PPP4R2: variants seen among roughly 807,000 people sequenced by gnomAD.
PPP4R2 encodes protein phosphatase 4 regulatory subunit 2.
Under a neutral mutation model 47.2 loss-of-function variants are expected in PPP4R2, and 13 were observed. The observed-to-expected ratio is 0.28, with a 90% CI of 0.18 to 0.44. The LOEUF is 0.44. PPP4R2 is among the 20% of genes least tolerant of loss of function. PPP4R2 has a pLI of 1.00. For missense variants in PPP4R2, 421 were observed against 491.2 expected (o/e 0.86, Z 1.35); for synonymous variants, 151 against 163.3 (o/e 0.92, Z 0.57).
intron 2 of PPP4R2, among the ~76,000 whole-genome samples, chr3:73,046,693 T>C (rs1269266742): frequency 6.6e-6 from 1 of 152,096 alleles, no homozygotes; most frequent in African/African-American, 2.4e-5. Flanking sequence ...CCTGAAGATA[T>C]TAACTGAAAG....
chr3:73,057,572 A>G (rs1702752702), intron 3 of PPP4R2, among the ~76,000 whole-genome samples: 1 of 152,160 alleles, frequency 6.6e-6, no homozygotes, highest in South Asian at 2.1e-4. Context: ...GGTTTGAGAC[A>G]AAAGATTGAT....
At chr3:73,051,877 G>A (rs1234935083) in intron 3 of PPP4R2, among the ~76,000 whole-genome samples, 3 of 152,074 alleles carry the variant, frequency 2.0e-5, no homozygotes, top group African/African-American at 4.8e-5. Flanking sequence ...CACCCACCTC[G>A]GCCTCCCAAA....
At chr3:73,062,089 ATTTTC>A (rs1352256769) in intron 5 of PPP4R2, 1 of 1,537,824 alleles carries the variant, frequency 6.5e-7, no homozygotes, top group African/African-American at 1.4e-5. Context: ...ATAATGGGTT[ATTTTC>A]TTAAATTGTA....
chr3:73,007,731 G>T (rs1456746864), intron 2 of PPP4R2, among the ~76,000 whole-genome samples: 2 of 152,040 alleles, frequency 1.3e-5, no homozygotes, highest in African/African-American at 4.8e-5. Context: ...TCAAGTGATC[G>T]ACCCGTCTCG....
chr3:73,046,855 G>T (rs1040583337), intron 2 of PPP4R2, among the ~76,000 whole-genome samples: 4 of 152,174 alleles, frequency 2.6e-5, no homozygotes, highest in African/African-American at 9.7e-5. Context: ...ACCTGGTTAG[G>T]TTTGTTATGA....
In PPP4R2 at chr3:73,060,110, T is replaced by C. The variant is rs377245747; in HGVS notation, c.382-913T>C. On this transcript the variant is annotated intron_variant, in intron 4 of 8. Transcript: ENST00000356692. ...GATGGTTGGTCCGGAAACACTCCCC[T>C]GTTCATTTAAGGATCTGGTTCAAAT... Among the ~76,000 whole-genome samples the C allele has an allele frequency of 2.4e-4, 36 of 152,322 alleles. 1 individual carries two copies. Among genetic ancestry groups the C allele is most frequent in the African/African-American group, 8.4e-4 (35 of 41,562 alleles).
intron 2 of PPP4R2, among the ~76,000 whole-genome samples, chr3:73,029,752 AAG>A (rs1242694725): frequency 1.3e-5 from 2 of 152,038 alleles, no homozygotes; most frequent in African/African-American, 4.8e-5. Flanking sequence ...GTAGATAGAA[AAG>A]AGAGACTGAA....
intron 2 of PPP4R2, among the ~76,000 whole-genome samples, chr3:73,029,193 G>A (rs576988022): frequency 6.6e-6 from 1 of 152,116 alleles, no homozygotes; most frequent in African/African-American, 2.4e-5. Flanking sequence ...CTCCCACCTT[G>A]TCCTCCCAAA....
At position 73,065,445 on chromosome 3, in the gene PPP4R2, A is replaced by G. The variant is rs773788729; in HGVS notation, c.977A>G (p.Glu326Gly). The G allele has an allele frequency of 6.2e-7, 1 of 1,605,868 alleles. No homozygotes were observed. The highest frequency in any genetic ancestry group is 1.7e-5 in the Admixed American group (1 of 59,232). The change falls in exon 9 of 9, where the codon GAA (glutamate) becomes GGA (glycine). Residue 326 changes from glutamate (E) to glycine (G), a missense_variant. Transcript: ENST00000356692. ...ATGATCCCAGAAAGAAAAAATCAAG[A>G]AAAAGAATCTGATGATGCCTTAACT... ...REMIPERKNQ[E>G]KESDDALTVN...
At chr3:73,023,168 T>G (rs1701993973) in intron 2 of PPP4R2, among the ~76,000 whole-genome samples, 1 of 129,236 alleles carries the variant, frequency 7.7e-6, no homozygotes, top group Admixed American at 7.6e-5. Flanking sequence ...GGAGTGAGGT[T>G]TCTTTTCTTT....
At chr3:73,052,241 C>CTTTTTTT (rs71845467) in intron 3 of PPP4R2, among the ~76,000 whole-genome samples, 17 of 137,714 alleles carry the variant, frequency 1.2e-4, no homozygotes, top group African/African-American at 3.0e-4. Context: ...TAATTTCTTT[C>CTTTTTTT]TTTTCTTTTT....
In PPP4R2 at chr3:73,067,145, G is replaced by A. The variant is rs1324704168; in HGVS notation, c.*1423G>A. The stretch of plus-strand genomic sequence containing the variant: ...TTCTGTGTGTAAACTGAATGCTTGG[G>A]CTTTCAATACAGTATTCATATAAAG... On this transcript the variant is annotated 3_prime_UTR_variant, in exon 9 of 9. Coordinates refer to ENST00000356692, the MANE Select transcript of PPP4R2 (RefSeq NM_174907.4). 1.3e-5 allele frequency: 2 copies of A among 151,998 alleles called. No homozygotes were observed. Among genetic ancestry groups the A allele is most frequent in the East Asian group, 3.8e-4 (2 of 5,198 alleles). 9.4% of individuals were successfully genotyped at this position (151,998 alleles called of 1,614,324 possible). A position where few individuals can be genotyped will look rare whatever the true frequency, so the allele number is the denominator to read the frequency against.
chr3:73,064,903 T>G lies in PPP4R2; in HGVS notation c.690T>G (p.Asn230Lys). ...SEVSSVSPLK[N>K]KHPDEDAVEA... ...TTTCCTCAGTGAGCCCTTTGAAAAATAAACATCCAGATGAAGATGCTGTGG... is the reference window on the plus strand; with the variant it reads ...TTTCCTCAGTGAGCCCTTTGAAAAAGAAACATCCAGATGAAGATGCTGTGG... The change falls in exon 8 of 9, where the codon AAT becomes AAG. Residue 230 changes from asparagine (N) to lysine (K), a missense_variant. This residue lies in a region of PPP4R2 where 317 missense variants were observed against 287.5 expected (regional missense o/e 1.10). Coordinates refer to ENST00000356692, the MANE Select transcript of PPP4R2 (RefSeq NM_174907.4). 6.2e-7 allele frequency: 1 copy of G among 1,613,300 alleles called. No individual in the cohort carries two copies. Among genetic ancestry groups the G allele is most frequent in the Non-Finnish European group, 8.5e-7 (1 of 1,179,630 alleles).
At chr3:73,016,366 C>T (rs913357182) in intron 2 of PPP4R2, among the ~76,000 whole-genome samples, 9 of 151,978 alleles carry the variant, frequency 5.9e-5, no homozygotes, top group Non-Finnish European at 7.4e-5. Flanking sequence ...GGCATGCTGC[C>T]GGCATCTAGT....
At chr3:73,062,863 T>G in intron 5 of PPP4R2, 1 of 1,613,744 alleles carries the variant, frequency 6.2e-7, no homozygotes, top group South Asian at 1.1e-5. Flanking sequence ...TTTGGAGACT[T>G]TGAATCCCCT....
At chr3:73,004,364 A>G (rs756388096) in intron 2 of PPP4R2, among the ~76,000 whole-genome samples, 1 of 152,162 alleles carries the variant, frequency 6.6e-6, no homozygotes, top group African/African-American at 2.4e-5. Context: ...CTTGAAGGTC[A>G]CTTTGGCTGG....
chr3:73,066,894 A>G lies in PPP4R2; in HGVS notation c.*1172A>G, dbSNP rs1179822297. Reference sequence around the variant, plus strand: ...TTCGACAGCCAGTGTTATATTTTTCAGATCAACACAAAGCACAATGATTAC... The same window carrying G: ...TTCGACAGCCAGTGTTATATTTTTCGGATCAACACAAAGCACAATGATTAC... On this transcript the variant is annotated 3_prime_UTR_variant, in exon 9 of 9. Transcript: ENST00000356692. 1.3e-5 allele frequency: 2 copies of G among 152,158 alleles called. No individual in the cohort carries two copies. The highest frequency in any genetic ancestry group is 2.9e-5 in the Non-Finnish European group (2 of 67,968). The allele number at this position is 152,158 out of a possible 1,614,324, so 9.4% of individuals were successfully genotyped here. A position where few individuals can be genotyped will look rare whatever the true frequency, so the allele number is the denominator to read the frequency against.
intron 2 of PPP4R2, among the ~76,000 whole-genome samples, chr3:73,016,776 A>G (rs6775000): frequency 0.35 from 28,879 of 81,750 alleles, 6,765 homozygotes; most frequent in African/African-American, 0.42. Context: ...TCACTCTGTC[A>G]CCCATTCTGT....
chr3:73,004,948 TGTGTG>T (rs1319572486), intron 2 of PPP4R2, among the ~76,000 whole-genome samples: 2,174 of 31,954 alleles, frequency 0.068, 72 homozygotes, highest in African/African-American at 0.19. Flanking sequence ...CGGAGTCGTG[TGTGTG>T]TGTGTGTGTG....
Sources: allele counts gnomAD v4.1 joint callset (sites outside exome capture counted in the v4.1 genomes callset), GRCh38; gene constraint gnomAD v4.1.1; regional missense constraint gnomAD v4.1.1; transcripts MANE v1.5; gene names NCBI Gene and HGNC (gene_info 2026-07-23, HGNC 2026-07-21).